PDSS2: variants seen among roughly 807,000 people sequenced by gnomAD.
PDSS2 encodes the protein decaprenyl diphosphate synthase subunit 2, also known as all trans-polyprenyl-diphosphate synthase PDSS2.
A neutral mutation model predicts 44.5 loss-of-function variants in PDSS2; 31 were observed. The observed-to-expected ratio is 0.70, with a 90% CI of 0.52 to 0.94. PDSS2 has a LOEUF of 0.94. Among genes scored for constraint, PDSS2 ranks in the 40% least tolerant of loss-of-function variants. The pLI, the probability that PDSS2 is intolerant of heterozygous loss-of-function variation, is 0.00. For missense variants in PDSS2, 452 were observed against 482.2 expected, an observed-to-expected ratio of 0.94 and a Z score of 0.59; for synonymous variants, 157 against 180.3, an observed-to-expected ratio of 0.87 and a Z score of 1.03.
intron 1 of PDSS2, among the ~76,000 whole-genome samples, chr6:107,441,469 C>T (rs551641229): frequency 1.3e-5 from 2 of 152,306 alleles, no homozygotes; most frequent in East Asian, 3.9e-4. Context: ...ATTTCCTCTG[C>T]ACTACATATA....
chr6:107,373,610 T>C (rs926560325), intron 1 of PDSS2, among the ~76,000 whole-genome samples: 4 of 152,160 alleles, frequency 2.6e-5, no homozygotes, highest in African/African-American at 9.7e-5. Context: ...AAAAGTACCA[T>C]CTATAACTTT....
intron 1 of PDSS2, among the ~76,000 whole-genome samples, chr6:107,440,189 T>A (rs1008622591): frequency 6.6e-6 from 1 of 152,184 alleles, no homozygotes; most frequent in Non-Finnish European, 1.5e-5. Flanking sequence ...CTAGAGAGGT[T>A]AGTAATTTGT....
At chr6:107,216,058 G>T (rs1773401863) in intron 4 of PDSS2, among the ~76,000 whole-genome samples, 1 of 150,518 alleles carries the variant, frequency 6.6e-6, no homozygotes, top group Admixed American at 6.6e-5. Context: ...AATGACGTGA[G>T]CTTGGGAAGC....
intron 1 of PDSS2, 102 bp downstream of exon 1, chr6:107,458,888 A>G: frequency 2.0e-6 from 2 of 1,004,624 alleles, no homozygotes; most frequent in Non-Finnish European, 3.1e-6. Context: ...CTAAAAAGAG[A>G]TAAATCAGGA....
intron 1 of PDSS2, among the ~76,000 whole-genome samples, chr6:107,451,367 C>T (rs368010916): frequency 2.0e-5 from 3 of 151,970 alleles, no homozygotes; most frequent in Non-Finnish European, 2.9e-5. Context: ...GGAAGATGTC[C>T]GGGATCCAGG....
chr6:107,330,470 A>G (rs1777678392), intron 2 of PDSS2, among the ~76,000 whole-genome samples: 1 of 152,216 alleles, frequency 6.6e-6, no homozygotes, highest in African/African-American at 2.4e-5. Context: ...GCTTTTAACT[A>G]CTAGTTAGAA....
chr6:107,249,979 A>G (rs893697609), intron 3 of PDSS2, among the ~76,000 whole-genome samples: 1 of 152,178 alleles, frequency 6.6e-6, no homozygotes, highest in African/African-American at 2.4e-5. Flanking sequence ...AATTTCAGCA[A>G]TCTCAGGGGA....
chr6:107,359,007 C>CTTTTTTTTTTTTTTTTTTTTTTTTTTTTT (rs59632305), intron 1 of PDSS2, among the ~76,000 whole-genome samples: 2 of 93,056 alleles, frequency 2.1e-5, no homozygotes, highest in African/African-American at 4.2e-5. Flanking sequence ...CATTCTCGCT[C>CTTTTTTTTTTTTTTTTTTTTTTTTTTTTT]TTTTTTTTTT....
intron 7 of PDSS2, among the ~76,000 whole-genome samples, chr6:107,190,698 G>T (rs1229751007): frequency 6.6e-6 from 1 of 152,130 alleles, no homozygotes; most frequent in African/African-American, 2.4e-5. Context: ...AGATAAAGAC[G>T]GCAGGACATT....
intron 1 of PDSS2, among the ~76,000 whole-genome samples, chr6:107,388,648 C>T (rs1260641068): frequency 2.6e-5 from 4 of 152,004 alleles, no homozygotes; most frequent in Admixed American, 6.6e-5. Context: ...TTAGTAGAGA[C>T]GGGGTTTCAC....
At chr6:107,283,089 C>T (rs557948803) in intron 2 of PDSS2, among the ~76,000 whole-genome samples, 5 of 151,072 alleles carry the variant, frequency 3.3e-5, no homozygotes, top group South Asian at 2.1e-4. Context: ...GAGGCCAAGG[C>T]GGGGAGGATT....
intron 2 of PDSS2, among the ~76,000 whole-genome samples, chr6:107,314,138 A>T (rs548948347): frequency 1.3e-5 from 2 of 152,276 alleles, no homozygotes; most frequent in African/African-American, 4.8e-5. Flanking sequence ...AGAAAATAAA[A>T]TAATACTATA....
At chr6:107,169,132 G>A (rs1265225658) in intron 7 of PDSS2, among the ~76,000 whole-genome samples, 7 of 151,630 alleles carry the variant, frequency 4.6e-5, no homozygotes, top group African/African-American at 1.7e-4. Flanking sequence ...CGTAGATTTG[G>A]TCTTTTCACA....
intron 1 of PDSS2, among the ~76,000 whole-genome samples, chr6:107,435,320 A>G (rs977892543): frequency 7.0e-6 from 1 of 142,266 alleles, no homozygotes; most frequent in African/African-American, 2.7e-5. Flanking sequence ...ACACACACAC[A>G]CACACACACA....
rs149134073 is a variant in PDSS2 at position 107,163,548 on chromosome 6, T to C, written c.1042-8771A>G. Among the ~76,000 whole-genome samples the C allele has an allele frequency of 4.4e-3, 671 of 152,316 alleles. 2 individuals are homozygous for C. Among genetic ancestry groups the C allele is most frequent in the Middle Eastern group, 0.01 (3 of 292 alleles). On this transcript the variant is annotated intron_variant, in intron 7 of 7. Transcript: ENST00000369037. ...ATAAACCATAAATGAAACTCATTTT[T>C]ACTGCAAACTAGAATGGGCAATAGG...
At chr6:107,368,013 G>A (rs575568089) in intron 1 of PDSS2, among the ~76,000 whole-genome samples, 34 of 152,142 alleles carry the variant, frequency 2.2e-4, no homozygotes, top group African/African-American at 7.2e-5. Flanking sequence ...GCTCACGCCC[G>A]TAATCCCAGC....
At chr6:107,415,927 G>T (rs1265648208) in intron 1 of PDSS2, among the ~76,000 whole-genome samples, 1 of 152,170 alleles carries the variant, frequency 6.6e-6, no homozygotes, top group African/African-American at 2.4e-5. Flanking sequence ...AGGAACAGGG[G>T]TTGGCTAGCT....
intron 7 of PDSS2, among the ~76,000 whole-genome samples, chr6:107,173,572 CAAAA>C (rs71012783): frequency 4.3e-4 from 18 of 41,510 alleles, no homozygotes; most frequent in Admixed American, 1.9e-3. Flanking sequence ...GACTCTGTCT[CAAAA>C]AAAAAAAAAA....
intron 1 of PDSS2, among the ~76,000 whole-genome samples, chr6:107,363,362 T>C (rs1190242182): frequency 2.0e-5 from 3 of 152,170 alleles, no homozygotes; most frequent in African/African-American, 7.2e-5. Flanking sequence ...CTGGAGTCTG[T>C]CCCTTCTGAT....
Sources: allele counts gnomAD v4.1 joint callset (sites outside exome capture counted in the v4.1 genomes callset), GRCh38; gene constraint gnomAD v4.1.1; transcripts MANE v1.5; gene names NCBI Gene and HGNC (gene_info 2026-07-23, HGNC 2026-07-21).